Variants in PMS1 observed in about 807,000 individuals in gnomAD.
PMS1 encodes the protein PMS1 protein homolog 1.
PMS1 carries 79 observed loss-of-function variants against 93.1 expected under a neutral mutation model. The observed-to-expected ratio is 0.85, with a 90% CI of 0.71 to 1.02. The LOEUF is 1.02. Among genes scored for constraint, PMS1 ranks in the 50% least tolerant of loss-of-function variants. The probability of loss-of-function intolerance (pLI) is 0.00; values close to 1 mark genes in which losing one functional copy is unlikely to be tolerated. For synonymous variants in PMS1, 335 were observed against 363.4 expected, an observed-to-expected ratio of 0.92 and a Z score of 0.89; for missense variants, 1,064 against 1,085.3, an observed-to-expected ratio of 0.98 and a Z score of 0.28.
At chr2:189,823,444 C>A (rs1051446248) in intron 5 of PMS1, among the ~76,000 whole-genome samples, 1 of 150,980 alleles carries the variant, frequency 6.6e-6, no homozygotes, top group Non-Finnish European at 1.5e-5. Flanking sequence ...CCTCAACAGG[C>A]CCCGGTGTGT....
intron 4 of PMS1, among the ~76,000 whole-genome samples, chr2:189,810,980 C>CAAA (rs67298187): frequency 4.2e-5 from 4 of 94,658 alleles, no homozygotes; most frequent in Admixed American, 1.1e-4. Flanking sequence ...AATTAACAGA[C>CAAA]AAAAAAAAAA....
Position 189,792,019 on chromosome 2 carries a change from C to T in PMS1, c.132+78C>T, listed in dbSNP as rs1188699403. The T allele has an allele frequency of 3.2e-6, 4 of 1,262,696 alleles. No individual in the cohort carries two copies. In the East Asian group the frequency reaches 7.3e-5, roughly 23 times the overall value. The allele number at this position is 1,262,696 out of a possible 1,614,324, so 78.2% of individuals were successfully genotyped here. A position where few individuals can be genotyped will look rare whatever the true frequency, so the allele number is the denominator to read the frequency against. On this transcript the variant is annotated intron_variant, in intron 2 of 12. Coordinates refer to ENST00000441310, the MANE Select transcript of PMS1 (RefSeq NM_000534.5). Reference sequence around the variant, plus strand: ...CACATGTTTTCTCCTTAAACTGTTACCTTTATTTTATTTCTTTACACCAAT... The same window carrying T: ...CACATGTTTTCTCCTTAAACTGTTATCTTTATTTTATTTCTTTACACCAAT...
chr2:189,845,727 CATTTTTCTT>C (rs1241177466), intron 6 of PMS1, among the ~76,000 whole-genome samples: 2 of 151,920 alleles, frequency 1.3e-5, no homozygotes, highest in Non-Finnish European at 2.9e-5. Context: ...CACTTATACT[CATTTTTCTT>C]TTTTTTCTTT....
chr2:189,843,673 G>A (rs898616252), intron 5 of PMS1, among the ~76,000 whole-genome samples: 1 of 152,208 alleles, frequency 6.6e-6, no homozygotes, highest in Non-Finnish European at 1.5e-5. Context: ...ACAGGCATAT[G>A]TGCTTGTCTC....
chr2:189,810,043 A>G (rs1276668002), intron 4 of PMS1, among the ~76,000 whole-genome samples: 1 of 152,142 alleles, frequency 6.6e-6, no homozygotes, highest in Non-Finnish European at 1.5e-5. Flanking sequence ...ATGCCATTAT[A>G]TTTGTCATCT....
In PMS1 at chr2:189,844,019, T is replaced by G. The variant is rs1559289445; in HGVS notation, c.638T>G (p.Val213Gly). 1 of 1,614,006 alleles carries G rather than the reference T, an allele frequency of 6.2e-7. No homozygotes were observed. The highest frequency in any genetic ancestry group is 1.1e-5 in the South Asian group (1 of 91,088). The part of the protein sequence containing the change: ...VSDHKMALMS[V>G]LGTAVMNNME... Reference sequence around the variant, plus strand: ...GATCACAAGATGGCTCTCATGTCAGTTCTGGGGACTGCTGTTATGAACAAT... The same window carrying G: ...GATCACAAGATGGCTCTCATGTCAGGTCTGGGGACTGCTGTTATGAACAAT... Residue 213 changes from valine to glycine, a missense_variant, in exon 6 of 13, where the codon GTT becomes GGT. Coordinates refer to ENST00000441310, the MANE Select transcript of PMS1 (RefSeq NM_000534.5).
At chr2:189,821,904 T>C (rs955998844) in intron 5 of PMS1, among the ~76,000 whole-genome samples, 1 of 152,244 alleles carries the variant, frequency 6.6e-6, no homozygotes, top group Non-Finnish European at 1.5e-5. Context: ...ACAGAGTTCT[T>C]ATTTCAAGTC....
intron 8 of PMS1, 49 bp downstream of exon 8, chr2:189,854,131 T>C: frequency 7.1e-7 from 1 of 1,404,546 alleles, no homozygotes; most frequent in Middle Eastern, 2.6e-4. Flanking sequence ...AAACATATAT[T>C]ACTGTTTTCA....
rs1246868526 is a variant in PMS1, at chr2:189,877,425, G to C, written c.2788G>C (p.Glu930Gln). ...TTTTCATCATTTAACCTATCTTCCA[G>C]AAACTACATGATTAAATATGTTTAA... ...PFFHHLTYLP[E>Q]TT Residue 930 changes from glutamate (E) to glutamine (Q), a missense_variant, in exon 13 of 13, where the codon GAA becomes CAA. By Grantham distance (29) the Glu-to-Gln change is conservative (BLOSUM62 2). Coordinates refer to ENST00000441310, the MANE Select transcript of PMS1 (RefSeq NM_000534.5). 1.2e-6 allele frequency: 2 copies of C among 1,607,932 alleles called. No homozygotes were observed. Among genetic ancestry groups the C allele is most frequent in the Admixed American group, 1.7e-5 (1 of 59,996 alleles).
intron 1 of PMS1, among the ~76,000 whole-genome samples, chr2:189,788,563 T>A (rs1455163471): frequency 6.6e-6 from 1 of 152,194 alleles, no homozygotes; most frequent in African/African-American, 2.4e-5. Context: ...TTTTAACCAC[T>A]GCTCTATCCA....
At chr2:189,824,163 A>G (rs1266721791) in intron 5 of PMS1, among the ~76,000 whole-genome samples, 5 of 152,128 alleles carry the variant, frequency 3.3e-5, no homozygotes. Context: ...ACCTCAGCAT[A>G]TGTGTTTCTA....
intron 11 of PMS1, among the ~76,000 whole-genome samples, chr2:189,869,088 G>A (rs1327079346): frequency 6.6e-6 from 1 of 152,192 alleles, no homozygotes; most frequent in Admixed American, 6.5e-5. Flanking sequence ...TTGAGGCACA[G>A]AAGTTAAGTT....
chr2:189,825,640 T>A (rs1383448890), intron 5 of PMS1, among the ~76,000 whole-genome samples: 5 of 152,220 alleles, frequency 3.3e-5, no homozygotes, highest in African/African-American at 1.2e-4. Context: ...TTTGTGGTTT[T>A]AAGAATTGTT....
chr2:189,805,810 G>GT (rs1215634250), intron 4 of PMS1, 56 bp downstream of exon 4: 1 of 1,592,742 alleles, frequency 6.3e-7, no homozygotes, highest in Non-Finnish European at 8.5e-7. Context: ...TTAATTGTTG[G>GT]TTTAAAAAAA....
intron 4 of PMS1, among the ~76,000 whole-genome samples, chr2:189,815,234 A>G (rs998592864): frequency 2.0e-5 from 3 of 152,214 alleles, no homozygotes; most frequent in Non-Finnish European, 4.4e-5. Flanking sequence ...AAGGAAGGAC[A>G]TCGGTAGGAG....
intron 10 of PMS1, among the ~76,000 whole-genome samples, chr2:189,864,688 ATATATATATATATATATATAT>A (rs1473022927): frequency 2.9e-3 from 13 of 4,498 alleles, no homozygotes; most frequent in African/African-American, 5.9e-3. Context: ...AAAAAAAAAA[ATATATATATATATATATATAT>A]ATATATATAT....
intron 4 of PMS1, among the ~76,000 whole-genome samples, chr2:189,817,197 G>A (rs564260680): frequency 4.6e-5 from 7 of 152,278 alleles, no homozygotes; most frequent in East Asian, 3.9e-4. Flanking sequence ...TCAATGCTGC[G>A]AAGGTTGAGA....
intron 4 of PMS1, chr2:189,806,467 G>T (rs1353702619): frequency 3.4e-6 from 1 of 294,576 alleles, no homozygotes; most frequent in Non-Finnish European, 6.7e-6. Flanking sequence ...GCATCATCTT[G>T]GTTCACTGCA....
At chr2:189,787,960 G>A (rs931098887) in intron 1 of PMS1, among the ~76,000 whole-genome samples, 1 of 152,092 alleles carries the variant, frequency 6.6e-6, no homozygotes, top group African/African-American at 2.4e-5. Context: ...GGATGCAATG[G>A]GATGGGGTAG....
Sources: allele counts gnomAD v4.1 joint callset (sites outside exome capture counted in the v4.1 genomes callset), GRCh38; gene constraint gnomAD v4.1.1; transcripts MANE v1.5; gene names NCBI Gene and HGNC (gene_info 2026-07-23, HGNC 2026-07-21).